Variants in CILK1 observed in about 807,000 individuals in gnomAD.
CILK1 encodes the protein ciliogenesis associated kinase 1.
Under a neutral mutation model 79.2 loss-of-function variants are expected in CILK1, and 47 were observed. The ratio of observed to expected loss-of-function variants is 0.59; its 90% CI spans 0.47 to 0.76. CILK1 has a LOEUF of 0.76. CILK1 is among the 30% of genes least tolerant of loss of function. The pLI, the probability that CILK1 is intolerant of heterozygous loss-of-function variation, is 0.00. For synonymous variants in CILK1, 266 were observed against 275.9 expected, an observed-to-expected ratio of 0.96 and a Z score of 0.36; for missense variants, 660 against 769.5, an observed-to-expected ratio of 0.86 and a Z score of 1.68.
intron 8 of CILK1, among the ~76,000 whole-genome samples, chr6:53,014,188 T>C (rs1450801034): frequency 6.6e-6 from 1 of 152,246 alleles, no homozygotes; most frequent in Non-Finnish European, 1.5e-5. Context: ...CACAAAGTTA[T>C]TTATATATAG....
At chr6:53,055,827 T>C (rs1355763136) in intron 1 of CILK1, among the ~76,000 whole-genome samples, 1 of 152,094 alleles carries the variant, frequency 6.6e-6, no homozygotes. Flanking sequence ...TTGGCTTTGG[T>C]GGACTGTAAA....
rs777091454 is a variant in CILK1, at chr6:53,002,264, C to G, written c.*2885G>C. 1 of 152,114 alleles carries G rather than the reference C, an allele frequency of 6.6e-6. No homozygotes were observed. The highest frequency in any genetic ancestry group is 1.5e-5 in the Non-Finnish European group (1 of 68,032). 9.4% of individuals were successfully genotyped at this position (152,114 alleles called of 1,614,324 possible). On this transcript the variant is annotated 3_prime_UTR_variant, in exon 14 of 14. Coordinates refer to ENST00000676107, the MANE Select transcript of CILK1 (RefSeq NM_014920.5). ...GGCACTACCTGGGGCACATCAATAC[C>G]CCTACAACGCACCTTCGTCACTGAA... is the stretch of plus-strand genomic sequence containing the variant.
In CILK1 at chr6:53,004,739, G is replaced by A; in HGVS notation, c.*410C>T. On this transcript the variant is annotated 3_prime_UTR_variant, in exon 14 of 14. Transcript: ENST00000676107. ...ACCCTCTATCACATAGCCTTAAATT[G>A]CACCCCTGTTGCAATACTGCATTAA... is the stretch of plus-strand genomic sequence containing the variant. 5.2e-6 allele frequency: 1 copy of A among 191,302 alleles called. No individual in the cohort carries two copies. The highest frequency in any genetic ancestry group is 1.4e-4 in the East Asian group (1 of 7,092). The allele number at this position is 191,302 out of a possible 1,614,324, so 11.9% of individuals were successfully genotyped here.
chr6:53,045,536 T>A (rs1453709501), intron 1 of CILK1, among the ~76,000 whole-genome samples: 1 of 152,200 alleles, frequency 6.6e-6, no homozygotes, highest in African/African-American at 2.4e-5. Flanking sequence ...ATGGGCTTTG[T>A]GTTAGATAAT....
chr6:53,060,056 T>C (rs1462430960), intron 1 of CILK1, among the ~76,000 whole-genome samples: 1 of 152,206 alleles, frequency 6.6e-6, no homozygotes, highest in South Asian at 2.1e-4. Flanking sequence ...AAGGAAAAGA[T>C]GGTTAAAGAT....
In CILK1 at chr6:53,029,673, C is replaced by T. The variant is rs1204731151; in HGVS notation, c.358+1392G>A. Among the ~76,000 whole-genome samples, 9 of 152,274 alleles carry T rather than the reference C, an allele frequency of 5.9e-5. No individual in the cohort carries two copies. In the South Asian group the frequency reaches 1.2e-3, roughly 21 times the overall value. On this transcript the variant is annotated intron_variant, in intron 5 of 13. Coordinates refer to ENST00000676107, the MANE Select transcript of CILK1 (RefSeq NM_014920.5). The stretch of plus-strand genomic sequence containing the variant: ...TCAGGAGGCTAAGGCAGGAGGATCG[C>T]TAGAGCCCAGGAGTCCAAGGCCAGC...
At chr6:53,032,209 A>G (rs1459883278) in intron 4 of CILK1, among the ~76,000 whole-genome samples, 1 of 152,160 alleles carries the variant, frequency 6.6e-6, no homozygotes, top group Non-Finnish European at 1.5e-5. Context: ...CCTCTAAAGT[A>G]GAAATATGGG....
At chr6:53,042,859 T>A (rs1234529739) in intron 1 of CILK1, among the ~76,000 whole-genome samples, 1 of 152,142 alleles carries the variant, frequency 6.6e-6, no homozygotes, top group Non-Finnish European at 1.5e-5. Flanking sequence ...CTAAGTAAGA[T>A]CTGTTGTTAG....
rs1198359129 is a variant in CILK1 at position 53,006,347 on chromosome 6, A to AC, written c.1711dup (p.Val571GlyfsTer33). 6.2e-7 allele frequency: 1 copy of AC among 1,613,798 alleles called. No individual in the cohort carries two copies. The highest frequency in any genetic ancestry group is 1.7e-5 in the Admixed American group (1 of 60,024). On this transcript the variant is annotated frameshift_variant, in exon 13 of 14. Coordinates refer to ENST00000676107, the MANE Select transcript of CILK1 (RefSeq NM_014920.5). LOFTEE classifies it high-confidence loss of function. ...AGGGTCTGGAATAGGTGCTAGGTGT[A>AC]CCCTCTGCATAGCAGAACCGATTTC...
intron 1 of CILK1, among the ~76,000 whole-genome samples, chr6:53,057,190 C>T (rs534889262): frequency 1.2e-4 from 18 of 152,248 alleles, no homozygotes; most frequent in South Asian, 4.1e-4. Context: ...CTTTCCTTTC[C>T]GGTTCTCAGG....
intron 5 of CILK1, among the ~76,000 whole-genome samples, chr6:53,023,772 T>C (rs1473520671): frequency 1.3e-5 from 2 of 152,236 alleles, no homozygotes; most frequent in Admixed American, 6.5e-5. Context: ...CTGTTCATCA[T>C]TCTAAAGACA....
intron 12 of CILK1, among the ~76,000 whole-genome samples, chr6:53,008,078 T>C (rs1487331211): frequency 6.6e-6 from 1 of 151,782 alleles, no homozygotes; most frequent in Admixed American, 6.6e-5. Context: ...CAGCACTCTT[T>C]CTAATAGCAA....
intron 1 of CILK1, among the ~76,000 whole-genome samples, chr6:53,047,564 G>A (rs1767176654): frequency 1.4e-5 from 2 of 143,134 alleles, no homozygotes; most frequent in African/African-American, 5.3e-5. Context: ...TCCCACTTTG[G>A]CTTCCCAAAG....
intron 5 of CILK1, among the ~76,000 whole-genome samples, chr6:53,030,394 T>A (rs1019917765): frequency 7.2e-5 from 11 of 152,232 alleles, no homozygotes; most frequent in Non-Finnish European, 1.6e-4. Context: ...CAAGAATAGT[T>A]CTGCTTTTCT....
intron 1 of CILK1, 77 bp from the exon 2 acceptor site, chr6:53,041,485 G>A: frequency 2.2e-6 from 1 of 456,394 alleles, no homozygotes; most frequent in Non-Finnish European, 4.1e-6. Flanking sequence ...GTCTAAATCT[G>A]TGTTTTATTG....
intron 2 of CILK1, among the ~76,000 whole-genome samples, chr6:53,039,590 C>G (rs946604867): frequency 6.6e-6 from 1 of 152,158 alleles, no homozygotes; most frequent in Non-Finnish European, 1.5e-5. Flanking sequence ...TTTTAAGGAG[C>G]TGGACAGAAT....
Position 53,016,289 on chromosome 6 carries a change from T to A in CILK1, c.664-39A>T, listed in dbSNP as rs534802285. ...AAGATAGAAAATCTTGCTCAGCCAATTGCTGTGATATAAGTTTGTATTCTG... is the reference window on the plus strand; with the variant it reads ...AAGATAGAAAATCTTGCTCAGCCAAATGCTGTGATATAAGTTTGTATTCTG... On this transcript the variant is annotated intron_variant, in intron 7 of 13. Coordinates refer to ENST00000676107, the MANE Select transcript of CILK1 (RefSeq NM_014920.5). 3.1e-6 allele frequency: 5 copies of A among 1,608,342 alleles called. No homozygotes were observed. The African/African-American group carries it at 6.7e-5, about 21-fold the overall frequency.
At chr6:53,022,346 T>G (rs898813372) in intron 5 of CILK1, among the ~76,000 whole-genome samples, 8 of 152,182 alleles carry the variant, frequency 5.3e-5, no homozygotes, top group African/African-American at 1.9e-4. Flanking sequence ...GTGTACCATT[T>G]TTAAAAAAAT....
At chr6:53,018,240 C>T in intron 7 of CILK1, 90 bp downstream of exon 7, 2 of 1,249,794 alleles carry the variant, frequency 1.6e-6, no homozygotes, top group Non-Finnish European at 2.3e-6. Context: ...TGGGCAGGTG[C>T]TCAATCATGC....
Sources: gnomAD v4.1 joint callset for allele counts (sites outside exome capture counted in the v4.1 genomes callset) on GRCh38, gnomAD v4.1.1 for gene constraint, MANE v1.5 for transcripts, NCBI Gene and HGNC (gene_info 2026-07-23, HGNC 2026-07-21) for gene names.